Variants in PARD3B observed in about 807,000 individuals in gnomAD.
PARD3B encodes the protein par-3 family cell polarity regulator beta, also known as partitioning defective 3 homolog B.
Under a neutral mutation model 130.2 loss-of-function variants are expected in PARD3B, and 103 were observed. That is an observed-to-expected ratio of 0.79 (90% confidence interval 0.67 to 0.93). The LOEUF (loss-of-function observed/expected upper bound fraction) is 0.93, where lower values mean the gene tolerates loss of function less well. PARD3B is among the 40% of genes least tolerant of loss of function. PARD3B has a pLI of 0.00. For synonymous variants in PARD3B, 583 were observed against 553.2 expected (o/e 1.05, Z -0.76); for missense variants, 1,609 against 1,499.2 (o/e 1.07, Z -1.21).
chr2:205,045,691 A>G (rs1698726312), intron 3 of PARD3B, among the ~76,000 whole-genome samples: 1 of 152,026 alleles, frequency 6.6e-6, no homozygotes, highest in African/African-American at 2.4e-5. Flanking sequence ...TTTTAAAGAA[A>G]ATGTATTTAT....
Position 204,678,891 on chromosome 2 carries a change from A to G in PARD3B, c.121-7290A>G, listed in dbSNP as rs928852358. On this transcript the variant is annotated intron_variant, in intron 1 of 22. Transcript: ENST00000406610. The surrounding 1 kb of genome is among the most constrained non-coding windows in gnomAD (Gnocchi z 4.2). The stretch of plus-strand genomic sequence containing the variant: ...TTCCCTGCCTCCTGTCGGTATCGCT[A>G]ACATACAGATCAAGAAATAGAACAT... 6.6e-6 allele frequency among the ~76,000 whole-genome samples: 1 copy of G among 152,144 alleles called. No homozygotes were observed. Among genetic ancestry groups the G allele is most frequent in the Non-Finnish European group, 1.5e-5 (1 of 68,024 alleles).
At chr2:205,252,853 C>CAAAAAA (rs770957813) in intron 16 of PARD3B, among the ~76,000 whole-genome samples, 1 of 80,456 alleles carries the variant, frequency 1.2e-5, no homozygotes, top group Non-Finnish European at 2.4e-5. Context: ...CCCCCCCCAC[C>CAAAAAA]AAAAAAAAAA....
rs753937762 is a variant in PARD3B, at chr2:205,321,995, T to C, written c.2630+20294T>C. On this transcript the variant is annotated intron_variant, in intron 18 of 22. Coordinates refer to ENST00000406610, the MANE Select transcript of PARD3B (RefSeq NM_001302769.2). This position sits in a 1 kb window ranked among gnomAD's most constrained non-coding sequence, Gnocchi z 4.2. The stretch of plus-strand genomic sequence containing the variant: ...AATATCCTGCTTGTTATTGTTAAAA[T>C]TGTGCTGCAGAAGGATCCTTAGAAA... Among the ~76,000 whole-genome samples the C allele has an allele frequency of 6.6e-6, 1 of 152,186 alleles. No individual in the cohort carries two copies. Among genetic ancestry groups the C allele is most frequent in the Non-Finnish European group, 1.5e-5 (1 of 68,042 alleles).
intron 2 of PARD3B, among the ~76,000 whole-genome samples, chr2:204,913,368 A>G (rs1329954071): frequency 1.3e-5 from 2 of 152,164 alleles, no homozygotes; most frequent in East Asian, 1.9e-4. Context: ...AGTTTCCTCA[A>G]TTGATGACAG....
At chr2:205,223,961 G>T (rs944732583) in intron 15 of PARD3B, among the ~76,000 whole-genome samples, 2 of 151,942 alleles carry the variant, frequency 1.3e-5, no homozygotes, top group African/African-American at 4.8e-5. Context: ...CATTCCGGAG[G>T]CTGAGGCAGG....
In PARD3B at chr2:204,665,423, A is replaced by G. The variant is rs920085654; in HGVS notation, c.121-20758A>G. Among the ~76,000 whole-genome samples, 63 of 152,226 alleles carry G rather than the reference A, an allele frequency of 4.1e-4. 1 individual carries two copies. Among genetic ancestry groups the G allele is most frequent in the Middle Eastern group, 3.4e-3 (1 of 294 alleles). On this transcript the variant is annotated intron_variant, in intron 1 of 22. Transcript: ENST00000406610. ...GTTCAGGGCTGTGGTCCCACTCCCAATGGCAGATTTTCTTATTTTAGAGGG... is the reference window on the plus strand; with the variant it reads ...GTTCAGGGCTGTGGTCCCACTCCCAGTGGCAGATTTTCTTATTTTAGAGGG...
intron 1 of PARD3B, among the ~76,000 whole-genome samples, chr2:204,626,619 A>T (rs980617473): frequency 7.2e-5 from 11 of 152,134 alleles, no homozygotes; most frequent in African/African-American, 2.7e-4. Flanking sequence ...CTGAAACAAA[A>T]TTCTAAAAAT....
At chr2:205,392,690 A>G (rs181466482) in intron 18 of PARD3B, among the ~76,000 whole-genome samples, 1 of 152,280 alleles carries the variant, frequency 6.6e-6, no homozygotes, top group Admixed American at 6.5e-5. Context: ...ACATCCTACA[A>G]GGCAAATCCC....
intron 18 of PARD3B, among the ~76,000 whole-genome samples, chr2:205,313,239 G>A (rs1164911108): frequency 6.6e-6 from 1 of 152,180 alleles, no homozygotes; most frequent in African/African-American, 2.4e-5. Flanking sequence ...AGACAGATGG[G>A]CTACTCATCT....
At chr2:205,378,264 G>A (rs1460873668) in intron 18 of PARD3B, among the ~76,000 whole-genome samples, 1 of 152,178 alleles carries the variant, frequency 6.6e-6, no homozygotes, top group Non-Finnish European at 1.5e-5. Flanking sequence ...TTCCTTCACA[G>A]TACAGTGAAT....
At chr2:205,598,338 TTGAA>T (rs2054647093) in intron 22 of PARD3B, among the ~76,000 whole-genome samples, 2 of 151,846 alleles carry the variant, frequency 1.3e-5, no homozygotes, top group Non-Finnish European at 2.9e-5. Flanking sequence ...AAAACAGACT[TTGAA>T]TGAACAACCA....
intron 2 of PARD3B, among the ~76,000 whole-genome samples, chr2:204,718,924 C>A (rs1442898450): frequency 6.6e-6 from 1 of 152,130 alleles, no homozygotes; most frequent in African/African-American, 2.4e-5. Flanking sequence ...GCATTTTAAT[C>A]ATGATTACTC....
chr2:205,019,816 G>T (rs2125329085), intron 3 of PARD3B, among the ~76,000 whole-genome samples: 1 of 152,270 alleles, frequency 6.6e-6, no homozygotes, highest in Non-Finnish European at 1.5e-5. Context: ...AAAGATATTA[G>T]GGATGGAAAC....
chr2:205,063,190 G>C (rs936442928), intron 4 of PARD3B, among the ~76,000 whole-genome samples: 1 of 151,830 alleles, frequency 6.6e-6, no homozygotes, highest in East Asian at 1.9e-4. Flanking sequence ...CTTTGTGTTG[G>C]GGACATCATA....
intron 15 of PARD3B, among the ~76,000 whole-genome samples, chr2:205,223,471 G>T (rs533856720): frequency 6.6e-6 from 1 of 152,288 alleles, no homozygotes; most frequent in African/African-American, 2.4e-5. Context: ...GAGAATTCTT[G>T]AAAGGAAGAC....
At chr2:205,208,508 A>T (rs1208258555) in intron 15 of PARD3B, among the ~76,000 whole-genome samples, 3 of 145,422 alleles carry the variant, frequency 2.1e-5, no homozygotes, top group Non-Finnish European at 4.5e-5. Context: ...GCTGATAAGC[A>T]ACTTCAGCAA....
chr2:205,322,480 A>T (rs4675514), intron 18 of PARD3B, among the ~76,000 whole-genome samples: 1 of 152,020 alleles, frequency 6.6e-6, no homozygotes, highest in African/African-American at 2.4e-5. Context: ...TTCCCTGAAC[A>T]TTCACGCCAG....
chr2:204,881,729 G>C (rs2046059672), intron 2 of PARD3B, among the ~76,000 whole-genome samples: 1 of 152,212 alleles, frequency 6.6e-6, no homozygotes, highest in African/African-American at 2.4e-5. Flanking sequence ...GTGTCTTGGA[G>C]TAGTGGGAAA....
At chr2:205,499,749 A>G in intron 20 of PARD3B, 147 bp from the exon 21 acceptor site, 1 of 934,718 alleles carries the variant, frequency 1.1e-6, no homozygotes, top group Non-Finnish European at 1.6e-6. Flanking sequence ...CATATTTATG[A>G]CTGATTTCAC....
Sources: gnomAD v4.1 joint callset for allele counts (sites outside exome capture counted in the v4.1 genomes callset) on GRCh38, gnomAD v4.1.1 for gene constraint, Gnocchi (gnomAD v3.1) non-coding constraint, MANE v1.5 for transcripts, NCBI Gene and HGNC (gene_info 2026-07-23, HGNC 2026-07-21) for gene names.